Variants in NUTM2E observed in about 807,000 individuals in gnomAD.
NUTM2E encodes the protein NUT family member 2E.
In NUTM2E, 3 loss-of-function variants were observed where a neutral mutation model predicts 26.1. The observed-to-expected ratio is 0.12, with a 90% CI of 0.05 to 0.30. NUTM2E has a LOEUF of 0.30. Among genes scored for constraint, NUTM2E ranks in the 10% least tolerant of loss-of-function variants. NUTM2E has a pLI of 1.00. For missense variants in NUTM2E, 62 were observed against 381.3 expected (o/e 0.16, Z 6.97); for synonymous variants, 13 against 157.5 (o/e 0.08, Z 6.87).
rs1259362568 is a variant in NUTM2E, at chr10:79,838,584, CA to C, written c.-2451del. ...TACACCTCCCCCCTCACTTCAGGGCCAGGTGAGCAAGGGAAAGGAGCGCGGC... is the reference window on the plus strand; with the variant it reads ...TACACCTCCCCCCTCACTTCAGGGCCGGTGAGCAAGGGAAAGGAGCGCGGC... On this transcript the variant is annotated splice_region_variant and 5_prime_UTR_variant, in exon 2 of 10. Transcript: ENST00000429984. Among the ~76,000 whole-genome samples, 4 of 148,794 alleles carry C rather than the reference CA, an allele frequency of 2.7e-5. No individual in the cohort carries two copies. The highest frequency in any genetic ancestry group is 6.0e-5 in the Non-Finnish European group (4 of 66,902).
chr10:79,830,459 C>T (rs578192264), intron 1 of NUTM2E, among the ~76,000 whole-genome samples: 8 of 151,522 alleles, frequency 5.3e-5, no homozygotes, highest in Non-Finnish European at 8.8e-5. Flanking sequence ...TGTAAAAACA[C>T]GTAAAATAAC....
intron 1 of NUTM2E, among the ~76,000 whole-genome samples, chr10:79,834,815 T>TACACACAC (rs71925965): frequency 6.9e-5 from 10 of 145,970 alleles, no homozygotes; most frequent in South Asian, 2.2e-4. Flanking sequence ...ACAGAATACC[T>TACACACAC]ACACACACAC....
At chr10:79,832,950 T>C (rs1381847694) in intron 1 of NUTM2E, among the ~76,000 whole-genome samples, 2 of 151,754 alleles carry the variant, frequency 1.3e-5, no homozygotes, top group African/African-American at 2.4e-5. Flanking sequence ...CACTTACTAA[T>C]TGAATAAAAT....
intron 1 of NUTM2E, among the ~76,000 whole-genome samples, chr10:79,834,210 G>C (rs1210026956): frequency 1.3e-5 from 2 of 151,494 alleles, no homozygotes; most frequent in African/African-American, 4.8e-5. Flanking sequence ...GCCTGTCGCG[G>C]GGTGGGGGGC....
chr10:79,828,384 C>G (rs528006163), intron 1 of NUTM2E, among the ~76,000 whole-genome samples: 1 of 151,984 alleles, frequency 6.6e-6, no homozygotes, highest in South Asian at 2.1e-4. Flanking sequence ...GTTTTTATGT[C>G]TGTAACAAGA....
At chr10:79,832,086 A>G (rs1290194901) in intron 1 of NUTM2E, among the ~76,000 whole-genome samples, 1 of 152,156 alleles carries the variant, frequency 6.6e-6, no homozygotes. Flanking sequence ...TTCACCAACT[A>G]ATTACTTCCC....
chr10:79,847,895 C>T (rs1376419203), intron 6 of NUTM2E, 36 bp from the exon 7 acceptor site: 2 of 282,200 alleles, frequency 7.1e-6, no homozygotes, highest in Admixed American at 5.5e-5. Context: ...GGGGCCTGGA[C>T]CCTCTCAGCA....
At position 79,838,845 on chromosome 10, in the gene NUTM2E, C is replaced by T. The variant is rs949494370; in HGVS notation, c.-2384C>T. On this transcript the variant is annotated 5_prime_UTR_variant, in exon 3 of 10. Transcript: ENST00000429984. The stretch of plus-strand genomic sequence containing the variant: ...GTCACCGCCCTTTGCTCTCGCGCTG[C>T]GCGTCTCCCTGCCATCAACCGCCGC... 2.0e-5 allele frequency among the ~76,000 whole-genome samples: 3 copies of T among 151,332 alleles called. No homozygotes were observed. The highest frequency in any genetic ancestry group is 4.9e-5 in the African/African-American group (2 of 41,188).
intron 1 of NUTM2E, among the ~76,000 whole-genome samples, chr10:79,837,087 C>T (rs397834912): frequency 3.2e-4 from 49 of 151,138 alleles, no homozygotes; most frequent in Middle Eastern, 6.9e-3. Context: ...TTCACTGCTG[C>T]GAGGGAGATG....
intron 1 of NUTM2E, among the ~76,000 whole-genome samples, chr10:79,833,260 A>C (rs1379260157): frequency 2.6e-5 from 4 of 151,714 alleles, no homozygotes; most frequent in Non-Finnish European, 5.9e-5. Context: ...GTTGGATGTT[A>C]CTCCATGAAG....
chr10:79,832,860 AGTGTATGTGTGTGT>A (rs1841935404), intron 1 of NUTM2E, among the ~76,000 whole-genome samples: 1 of 151,520 alleles, frequency 6.6e-6, no homozygotes, highest in Admixed American at 6.6e-5. Flanking sequence ...AATGAGAAAC[AGTGTATGTGTGTGT>A]GTATGTGTGT....
At chr10:79,829,880 C>G (rs77946928) in intron 1 of NUTM2E, among the ~76,000 whole-genome samples, 4,245 of 151,500 alleles carry the variant, frequency 0.028, 138 homozygotes, top group Non-Finnish European at 0.042. Flanking sequence ...AATTATTGAA[C>G]AAATTACTTG....
At chr10:79,831,049 C>G (rs1589305939) in intron 1 of NUTM2E, among the ~76,000 whole-genome samples, 1 of 151,756 alleles carries the variant, frequency 6.6e-6, no homozygotes, top group East Asian at 1.9e-4. Context: ...TTTTTATTCT[C>G]TTTGTTTTTC....
intron 1 of NUTM2E, among the ~76,000 whole-genome samples, chr10:79,828,780 C>T (rs1385980503): frequency 6.6e-6 from 1 of 151,782 alleles, no homozygotes; most frequent in Non-Finnish European, 1.5e-5. Flanking sequence ...ATTTCTAATA[C>T]TGGCTGTGTA....
Position 79,849,039 on chromosome 10 carries a change from CTG to C in NUTM2E, c.1734+150_1734+151del, listed in dbSNP as rs1398134440. 1.3e-5 allele frequency: 13 copies of C among 967,146 alleles called. 4 individuals carry two copies. Among genetic ancestry groups the C allele is most frequent in the Middle Eastern group, 3.1e-4 (1 of 3,192 alleles). The allele number at this position is 967,146 out of a possible 1,614,324, so 59.9% of individuals were successfully genotyped here. A position where few individuals can be genotyped will look rare whatever the true frequency, so the allele number is the denominator to read the frequency against. On this transcript the variant is annotated intron_variant, in intron 8 of 9. Transcript: ENST00000429984. ...TGTCTGTGTATGTGATTGTGTGTGTCTGTGTGTTTGTGTCTGTGGTTTGTTAC... is the reference window on the plus strand; with the variant it reads ...TGTCTGTGTATGTGATTGTGTGTGTCTGTGTTTGTGTCTGTGGTTTGTTAC...
chr10:79,847,221 C>T (rs1395308663), intron 6 of NUTM2E, among the ~76,000 whole-genome samples: 1 of 115,882 alleles, frequency 8.6e-6, no homozygotes, highest in East Asian at 2.1e-4. Flanking sequence ...CAGGAGCAGC[C>T]AGCATCACAG....
rs756002613 is a variant in NUTM2E at position 79,836,561 on chromosome 10, G to A, written c.-2727-1748G>A. On this transcript the variant is annotated intron_variant, in intron 1 of 9. Transcript: ENST00000429984. ...ATTTGTGTATTTACATATCGACAGC[G>A]TACTCACTATTGTTCAGTAGCATAT... Among the ~76,000 whole-genome samples, 7 of 151,852 alleles carry A rather than the reference G, an allele frequency of 4.6e-5. 1 individual carries two copies. The highest frequency in any genetic ancestry group is 2.0e-4 in the Admixed American group (3 of 15,208).
Position 79,828,913 on chromosome 10 carries a change from T to C in NUTM2E, c.-2728+1556T>C, listed in dbSNP as rs1319465729. On this transcript the variant is annotated intron_variant, in intron 1 of 9. Coordinates refer to ENST00000429984, the MANE Select transcript of NUTM2E (RefSeq NM_001355263.2). ...TAAAATTAGCTGTCATTATTCCTAGTATTAATATGGTGATGAACAGCTAAA... is the reference window on the plus strand; with the variant it reads ...TAAAATTAGCTGTCATTATTCCTAGCATTAATATGGTGATGAACAGCTAAA... 1.3e-5 allele frequency among the ~76,000 whole-genome samples: 2 copies of C among 151,838 alleles called. 1 individual carries two copies. Among genetic ancestry groups the C allele is most frequent in the Non-Finnish European group, 2.9e-5 (2 of 67,960 alleles).
Position 79,838,570 on chromosome 10 carries a change from C to G in NUTM2E, c.-2466C>G, listed in dbSNP as rs1841978327. Among the ~76,000 whole-genome samples, 1 of 148,860 alleles carries G rather than the reference C, an allele frequency of 6.7e-6. No homozygotes were observed. The highest frequency in any genetic ancestry group is 1.5e-5 in the Non-Finnish European group (1 of 66,898). ...TCCCACTGCATTGTTACACCTCCCC[C>G]CTCACTTCAGGGCCAGGTGAGCAAG... On this transcript the variant is annotated 5_prime_UTR_variant, in exon 2 of 10. Coordinates refer to ENST00000429984, the MANE Select transcript of NUTM2E (RefSeq NM_001355263.2).
Sources: allele counts gnomAD v4.1 joint callset (sites outside exome capture counted in the v4.1 genomes callset), GRCh38; gene constraint gnomAD v4.1.1; transcripts MANE v1.5; gene names NCBI Gene and HGNC (gene_info 2026-07-23, HGNC 2026-07-21).